The following SLF1 variants were observed in gnomAD, a reference collection of about 807,000 sequenced individuals.
SLF1 encodes the protein SMC5-SMC6 complex localization factor protein 1.
In SLF1, 105 loss-of-function variants were observed where a neutral mutation model predicts 123.0. That is an observed-to-expected ratio of 0.85 (90% CI 0.73 to 1.00). SLF1 has a LOEUF of 1.00. SLF1 is among the 50% of genes least tolerant of loss of function. The pLI is 0.00. For synonymous variants in SLF1, 434 were observed against 406.6 expected, an observed-to-expected ratio of 1.07 and a Z score of -0.81; for missense variants, 1,239 against 1,223.0, an observed-to-expected ratio of 1.01 and a Z score of -0.20.
chr5:94,674,517 C>G (rs924769948), intron 14 of SLF1, among the ~76,000 whole-genome samples: 3 of 152,156 alleles, frequency 2.0e-5, no homozygotes, highest in African/African-American at 2.4e-5. Flanking sequence ...AGAATTCATT[C>G]TTGTACTTAA....
intron 12 of SLF1, among the ~76,000 whole-genome samples, chr5:94,669,619 A>G (rs1447919995): frequency 6.6e-6 from 1 of 152,108 alleles, no homozygotes; most frequent in African/African-American, 2.4e-5. Context: ...GTCTAGTAGA[A>G]CATATACATC....
At chr5:94,640,591 T>C (rs1163580966) in intron 4 of SLF1, among the ~76,000 whole-genome samples, 1 of 152,216 alleles carries the variant, frequency 6.6e-6, no homozygotes, top group East Asian at 1.9e-4. Context: ...TTCCTTCATG[T>C]TGTTCTTCTG....
In SLF1 at chr5:94,695,232, A is replaced by T. The variant is rs750537780; in HGVS notation, c.3097A>T (p.Lys1033Ter). Reference sequence around the variant, plus strand: ...TCTTAAGGAACTGCCTGAGAATTTGAAAGTGTGTCCTGGGGTACACACTGA... The same window carrying T: ...TCTTAAGGAACTGCCTGAGAATTTGTAAGTGTGTCCTGGGGTACACACTGA... ...HILKELPENL[K>*]VCPGVHTEAL... The change falls in exon 21 of 21, where the codon AAA (lysine) becomes TAA (stop). Residue 1033 changes from lysine (K) to a stop codon, truncating the protein, a stop_gained. Transcript: ENST00000265140. LOFTEE classifies it high-confidence loss of function. The T allele has an allele frequency of 1.2e-6, 2 of 1,612,616 alleles. No individual in the cohort carries two copies. Among genetic ancestry groups the T allele is most frequent in the Non-Finnish European group, 1.7e-6 (2 of 1,178,920 alleles).
intron 1 of SLF1, among the ~76,000 whole-genome samples, chr5:94,623,093 T>C (rs1480487694): frequency 6.6e-6 from 1 of 152,146 alleles, no homozygotes; most frequent in Non-Finnish European, 1.5e-5. Context: ...TTATAAAGAA[T>C]TCAAAGAACC....
intron 4 of SLF1, among the ~76,000 whole-genome samples, chr5:94,641,837 A>C (rs952540348): frequency 2.0e-5 from 3 of 152,184 alleles, no homozygotes; most frequent in Non-Finnish European, 4.4e-5. Flanking sequence ...ATGGCAGCTA[A>C]ATTCTGCCTT....
intron 4 of SLF1, among the ~76,000 whole-genome samples, chr5:94,631,735 C>T (rs1745217709): frequency 6.6e-6 from 1 of 152,064 alleles, no homozygotes; most frequent in African/African-American, 2.4e-5. Context: ...TTCATGCAGA[C>T]ATGTTTTCAG....
intron 12 of SLF1, among the ~76,000 whole-genome samples, chr5:94,668,357 G>T (rs764754840): frequency 6.6e-6 from 1 of 151,856 alleles, no homozygotes; most frequent in Non-Finnish European, 1.5e-5. Context: ...TTTTTGAGAA[G>T]AAGTTTCGCT....
At chr5:94,657,891 G>A (rs947751484) in intron 9 of SLF1, among the ~76,000 whole-genome samples, 1 of 151,986 alleles carries the variant, frequency 6.6e-6, no homozygotes, top group Non-Finnish European at 1.5e-5. Flanking sequence ...CCGTTCTTGT[G>A]GAATATCTTT....
chr5:94,619,304 G>A (rs1372752294), intron 1 of SLF1, among the ~76,000 whole-genome samples: 1 of 151,058 alleles, frequency 6.6e-6, no homozygotes, highest in Non-Finnish European at 1.5e-5. Flanking sequence ...TTTTTAAACT[G>A]CTAAAACGGC....
chr5:94,686,434 TGGA>T, intron 15 of SLF1, 136 bp from the exon 16 acceptor site: 1 of 900,204 alleles, frequency 1.1e-6, no homozygotes, highest in Non-Finnish European at 1.7e-6. Context: ...CTATTTTTTG[TGGA>T]TTAAAATCAT....
intron 7 of SLF1, among the ~76,000 whole-genome samples, 168 bp from the exon 8 acceptor site, chr5:94,653,104 G>A (rs554481167): frequency 6.4e-4 from 97 of 152,212 alleles, no homozygotes; most frequent in African/African-American, 2.1e-3. Flanking sequence ...TGATCCGCCC[G>A]CCTTGGCCTC....
At chr5:94,667,150 T>G (rs1381938748) in intron 12 of SLF1, among the ~76,000 whole-genome samples, 3 of 152,060 alleles carry the variant, frequency 2.0e-5, no homozygotes, top group East Asian at 1.9e-4. Flanking sequence ...ATTCATTCTT[T>G]TAACAAATTC....
At chr5:94,670,004 A>G (rs563998189) in intron 12 of SLF1, 147 bp from the exon 13 acceptor site, 226 of 699,280 alleles carry the variant, frequency 3.2e-4, no homozygotes, top group Non-Finnish European at 4.5e-4. Flanking sequence ...TGAAGGAAGA[A>G]ATATATTCAT....
At chr5:94,644,904 G>A (rs1746841339) in intron 5 of SLF1, among the ~76,000 whole-genome samples, 1 of 152,172 alleles carries the variant, frequency 6.6e-6, no homozygotes, top group South Asian at 2.1e-4. Flanking sequence ...CCTGGCACAT[G>A]GGTTCTCAAT....
chr5:94,634,718 C>A (rs545636512), intron 4 of SLF1, among the ~76,000 whole-genome samples: 4 of 152,116 alleles, frequency 2.6e-5, no homozygotes, highest in African/African-American at 9.7e-5. Context: ...TCCCTTTTCT[C>A]GATACCTTCA....
At chr5:94,663,991 A>G in intron 11 of SLF1, 83 bp downstream of exon 11, 4 of 1,307,952 alleles carry the variant, frequency 3.1e-6, no homozygotes, top group Non-Finnish European at 4.1e-6. Context: ...GTATGTTTAC[A>G]GTTTATTTTC....
chr5:94,625,133 C>T (rs982053107), intron 1 of SLF1, among the ~76,000 whole-genome samples: 2 of 149,962 alleles, frequency 1.3e-5, no homozygotes, highest in Non-Finnish European at 3.0e-5. Flanking sequence ...GCGGAGCTTG[C>T]AGTGAGCTGA....
intron 20 of SLF1, among the ~76,000 whole-genome samples, chr5:94,692,865 G>T (rs963020672): frequency 6.6e-6 from 1 of 152,094 alleles, no homozygotes; most frequent in East Asian, 1.9e-4. Context: ...GCTGATTTTT[G>T]ATCTTTGCTT....
intron 1 of SLF1, among the ~76,000 whole-genome samples, chr5:94,626,252 C>CA (rs563542719): frequency 0.015 from 892 of 57,952 alleles, 7 homozygotes; most frequent in African/African-American, 0.036. Context: ...GACTCCATCT[C>CA]AAAAAAAAAA....
Sources: allele counts gnomAD v4.1 joint callset (sites outside exome capture counted in the v4.1 genomes callset), GRCh38; gene constraint gnomAD v4.1.1; transcripts MANE v1.5; gene names NCBI Gene and HGNC (gene_info 2026-07-23, HGNC 2026-07-21).